The following PCDHGA11 variants were observed in gnomAD, a reference collection of about 807,000 sequenced individuals.
PCDHGA11 encodes the protein protocadherin gamma subfamily A, 11, also known as protocadherin gamma-A11.
A neutral mutation model predicts 60.4 loss-of-function variants in PCDHGA11; 39 were observed. The ratio of observed to expected loss-of-function variants is 0.65; its 90% CI spans 0.50 to 0.84. The LOEUF is 0.84. Among genes scored for constraint, PCDHGA11 ranks in the 40% least tolerant of loss-of-function variants. The pLI, the probability that PCDHGA11 is intolerant of heterozygous loss-of-function variation, is 0.00. For missense variants in PCDHGA11, 1,165 were observed against 1,197.7 expected (o/e 0.97, Z 0.40); for synonymous variants, 533 against 510.3 (o/e 1.04, Z -0.60).
At position 141,485,069 on chromosome 5, in the gene PCDHGA11, G is replaced by A. The variant is rs1185236732; in HGVS notation, c.2434-9738G>A. 1.1e-6 allele frequency: 1 copy of A among 905,912 alleles called. No homozygotes were observed. Among genetic ancestry groups the A allele is most frequent in the Non-Finnish European group, 1.7e-6 (1 of 577,940 alleles). The allele number at this position is 905,912 out of a possible 1,614,324, so 56.1% of individuals were successfully genotyped here. A position where few individuals can be genotyped will look rare whatever the true frequency, so the allele number is the denominator to read the frequency against. On this transcript the variant is annotated intron_variant, in intron 1 of 3. Coordinates refer to ENST00000398587, the MANE Select transcript of PCDHGA11 (RefSeq NM_018914.3). This position sits in a 1 kb window ranked among gnomAD's most constrained non-coding sequence, Gnocchi z 5.7. ...GCGCCGGCCGAACCGCGCCAGAGCTGGCGCGGGGAAAGGGAGATAGGTGTC... is the reference window on the plus strand; with the variant it reads ...GCGCCGGCCGAACCGCGCCAGAGCTAGCGCGGGGAAAGGGAGATAGGTGTC...
chr5:141,450,110 G>C (rs2098669636), intron 1 of PCDHGA11, among the ~76,000 whole-genome samples: 1 of 147,716 alleles, frequency 6.8e-6, no homozygotes. Context: ...AGGTTCAAAT[G>C]ATTCTCCTGC....
chr5:141,425,843 G>A (rs2096898027), intron 1 of PCDHGA11, among the ~76,000 whole-genome samples: 1 of 152,118 alleles, frequency 6.6e-6, no homozygotes, highest in African/African-American at 2.4e-5. Flanking sequence ...TCTCTTTGCT[G>A]GGTTAATGAC....
chr5:141,432,094 C>G lies in PCDHGA11; in HGVS notation c.2433+8434C>G. On this transcript the variant is annotated intron_variant, in intron 1 of 3. Transcript: ENST00000398587. This position sits in a 1 kb window ranked among gnomAD's most constrained non-coding sequence, Gnocchi z 6.0. ...ATATCTCGCTGAACGTGGCAGACAC[C>G]AACGACAACCCGCCGGTCTTCCCTC... The G allele has an allele frequency of 6.2e-7, 1 of 1,614,178 alleles. No homozygotes were observed. The highest frequency in any genetic ancestry group is 8.5e-7 in the Non-Finnish European group (1 of 1,180,046).
chr5:141,510,709 CAGTGAGTAAGGAA>C (rs1452833908), intron 3 of PCDHGA11, among the ~76,000 whole-genome samples: 7 of 152,168 alleles, frequency 4.6e-5, no homozygotes, highest in Admixed American at 4.6e-4. Flanking sequence ...CCCAGGATCA[CAGTGAGTAAGGAA>C]AGGAGCTAGG....
intron 1 of PCDHGA11, among the ~76,000 whole-genome samples, chr5:141,457,822 C>A (rs1477393535): frequency 6.6e-6 from 1 of 152,178 alleles, no homozygotes; most frequent in Non-Finnish European, 1.5e-5. Context: ...AAGATAAACT[C>A]AGAGCTTCCA....
At chr5:141,478,617 G>T in intron 1 of PCDHGA11, 1 of 1,556,398 alleles carries the variant, frequency 6.4e-7, no homozygotes, top group South Asian at 1.2e-5. Context: ...AGGAAGGAAT[G>T]GAGCTGTTTT....
intron 1 of PCDHGA11, among the ~76,000 whole-genome samples, chr5:141,438,935 G>A (rs1306603362): frequency 6.6e-6 from 1 of 151,810 alleles, no homozygotes; most frequent in African/African-American, 2.4e-5. Context: ...CAAAGTGCTG[G>A]GATTATAGGC....
At chr5:141,447,275 G>C (rs2098532748) in intron 1 of PCDHGA11, among the ~76,000 whole-genome samples, 1 of 152,154 alleles carries the variant, frequency 6.6e-6, no homozygotes, top group African/African-American at 2.4e-5. Flanking sequence ...AAGTAGCTGG[G>C]ACTACAGGCA....
At chr5:141,454,409 T>G (rs1221091875) in intron 1 of PCDHGA11, among the ~76,000 whole-genome samples, 1 of 152,162 alleles carries the variant, frequency 6.6e-6, no homozygotes, top group Non-Finnish European at 1.5e-5. Flanking sequence ...TTATTCCTTT[T>G]TATTTATTTA....
At position 141,431,248 on chromosome 5, in the gene PCDHGA11, G is replaced by T. The variant is rs1213088915; in HGVS notation, c.2433+7588G>T. ...CCCACGCCTGGGATCCGGATATCGG[G>T]AAGAACTCTCTGCAGAGCTACGAGC... On this transcript the variant is annotated intron_variant, in intron 1 of 3. Coordinates refer to ENST00000398587, the MANE Select transcript of PCDHGA11 (RefSeq NM_018914.3). The surrounding 1 kb of genome is among the most constrained non-coding windows in gnomAD (Gnocchi z 4.8). 6.2e-7 allele frequency: 1 copy of T among 1,614,022 alleles called. No individual in the cohort carries two copies. The highest frequency in any genetic ancestry group is 8.5e-7 in the Non-Finnish European group (1 of 1,180,056).
At chr5:141,465,649 A>C (rs1174371552) in intron 1 of PCDHGA11, among the ~76,000 whole-genome samples, 1 of 152,200 alleles carries the variant, frequency 6.6e-6, no homozygotes, top group African/African-American at 2.4e-5. Context: ...TGAACATCCC[A>C]AAAAAGCGCT....
intron 2 of PCDHGA11, among the ~76,000 whole-genome samples, chr5:141,503,295 T>C (rs567706089): frequency 6.6e-6 from 1 of 152,070 alleles, no homozygotes; most frequent in Non-Finnish European, 1.5e-5. Context: ...TACATAGAAA[T>C]TGCTCAAGAA....
intron 1 of PCDHGA11, among the ~76,000 whole-genome samples, chr5:141,437,421 T>G (rs971034611): frequency 1.2e-4 from 19 of 152,238 alleles, no homozygotes; most frequent in African/African-American, 4.6e-4. Flanking sequence ...TTATGCTTTT[T>G]GAAGCAGCAA....
chr5:141,436,099 T>C (rs1400528271), intron 1 of PCDHGA11, among the ~76,000 whole-genome samples: 1 of 152,128 alleles, frequency 6.6e-6, no homozygotes, highest in Non-Finnish European at 1.5e-5. Flanking sequence ...TTGAGAGAAA[T>C]AGAGGACAAT....
Position 141,421,894 on chromosome 5 carries a change from C to T in PCDHGA11, c.667C>T (p.Arg223Ter), listed in dbSNP as rs764642401. The change falls in exon 1 of 4, where the codon CGA becomes TGA. Residue 223 changes from arginine (R) to a stop codon, truncating the protein, a stop_gained. Coordinates refer to ENST00000398587, the MANE Select transcript of PCDHGA11 (RefSeq NM_018914.3). LOFTEE classifies it high-confidence loss of function. ...LTALDGGDPI[R>*]KGAVPIRVVV... ...AGCTTTAGATGGAGGCGATCCCATCCGAAAGGGCGCAGTTCCCATTCGTGT... is the reference window on the plus strand; with the variant it reads ...AGCTTTAGATGGAGGCGATCCCATCTGAAAGGGCGCAGTTCCCATTCGTGT... 3.7e-6 allele frequency: 6 copies of T among 1,613,586 alleles called. No individual in the cohort carries two copies. Among genetic ancestry groups the T allele is most frequent in the Non-Finnish European group, 4.2e-6 (5 of 1,179,902 alleles).
At chr5:141,450,006 C>CTTT (rs1554136305) in intron 1 of PCDHGA11, among the ~76,000 whole-genome samples, 1 of 132,986 alleles carries the variant, frequency 7.5e-6, no homozygotes, top group Non-Finnish European at 1.6e-5. Context: ...TGCCATGTCT[C>CTTT]TTTTTTTTTT....
rs2099383865 is a variant in PCDHGA11, at chr5:141,476,005, A to G, written c.2434-18802A>G. 1 of 1,267,576 alleles carries G rather than the reference A, an allele frequency of 7.9e-7. No homozygotes were observed. Among genetic ancestry groups the G allele is most frequent in the East Asian group, 2.3e-5 (1 of 42,864 alleles). 78.5% of individuals were successfully genotyped at this position (1,267,576 alleles called of 1,614,324 possible). A position where few individuals can be genotyped will look rare whatever the true frequency, so the allele number is the denominator to read the frequency against. ...CGGCGAGCAAATCAACGGCATCCAG[A>G]AAGCCATGTCGGACTCGGCGCCCAG... On this transcript the variant is annotated intron_variant, in intron 1 of 3. Coordinates refer to ENST00000398587, the MANE Select transcript of PCDHGA11 (RefSeq NM_018914.3). This position sits in a 1 kb window ranked among gnomAD's most constrained non-coding sequence, Gnocchi z 7.6.
At position 141,491,894 on chromosome 5, in the gene PCDHGA11, C is replaced by T. The variant is rs1209251388; in HGVS notation, c.2434-2913C>T. The T allele has an allele frequency of 1.5e-5, 22 of 1,434,752 alleles. No individual in the cohort carries two copies. Among genetic ancestry groups the T allele is most frequent in the Admixed American group, 2.9e-5 (1 of 34,278 alleles). 88.9% of individuals were successfully genotyped at this position (1,434,752 alleles called of 1,614,324 possible). The stretch of plus-strand genomic sequence containing the variant: ...GCCGATTAAGGGATGGGGCTCCGAG[C>T]ACCGGGGGTGGTGGCGACTGTGGGC... On this transcript the variant is annotated intron_variant, in intron 1 of 3. Transcript: ENST00000398587. The surrounding 1 kb of genome is among the most constrained non-coding windows in gnomAD (Gnocchi z 6.9).
At chr5:141,437,761 C>T (rs1200327020) in intron 1 of PCDHGA11, among the ~76,000 whole-genome samples, 1 of 144,680 alleles carries the variant, frequency 6.9e-6, no homozygotes, top group African/African-American at 2.6e-5. Context: ...TTTTTTGAGA[C>T]AGAGTCTCAA....
Sources: gnomAD v4.1 joint callset for allele counts (sites outside exome capture counted in the v4.1 genomes callset) on GRCh38, gnomAD v4.1.1 for gene constraint, Gnocchi (gnomAD v3.1) non-coding constraint, MANE v1.5 for transcripts, NCBI Gene and HGNC (gene_info 2026-07-23, HGNC 2026-07-21) for gene names.